Variants in FNDC3B observed in about 807,000 individuals in gnomAD.
The protein encoded by FNDC3B is fibronectin type III domain-containing protein 3B.
In FNDC3B, 12 loss-of-function variants were observed where a neutral mutation model predicts 151.5. That is an observed-to-expected ratio of 0.08 (90% CI 0.05 to 0.13). FNDC3B has a LOEUF of 0.13. Ranked by LOEUF, FNDC3B falls within the 10% of genes least tolerant of loss-of-function variation. The probability of loss-of-function intolerance (pLI) is 1.00; values close to 1 mark genes in which losing one functional copy is unlikely to be tolerated. For synonymous variants in FNDC3B, 528 were observed against 549.0 expected, an observed-to-expected ratio of 0.96 and a Z score of 0.54; for missense variants, 1,214 against 1,505.3, an observed-to-expected ratio of 0.81 and a Z score of 3.20.
intron 9 of FNDC3B, among the ~76,000 whole-genome samples, chr3:172,299,882 T>G (rs1449288646): frequency 2.0e-5 from 3 of 152,192 alleles, no homozygotes; most frequent in African/African-American, 7.2e-5. Context: ...GCCATGATTT[T>G]CTCAGTTAAA....
At chr3:172,163,003 T>G (rs930083083) in intron 3 of FNDC3B, among the ~76,000 whole-genome samples, 3 of 152,180 alleles carry the variant, frequency 2.0e-5, no homozygotes, top group African/African-American at 7.2e-5. Context: ...CTGGGCATGG[T>G]GGTTCATGCC....
intron 21 of FNDC3B, among the ~76,000 whole-genome samples, chr3:172,351,526 A>G (rs887268433): frequency 6.6e-5 from 10 of 152,194 alleles, no homozygotes; most frequent in African/African-American, 1.9e-4. Context: ...AAGAACTTCA[A>G]AGTTTTTTCT....
At chr3:172,303,076 G>C (rs1731012941) in intron 9 of FNDC3B, 1 of 151,742 alleles carries the variant, frequency 6.6e-6, no homozygotes, top group Non-Finnish European at 1.5e-5. Context: ...ACATTTATTT[G>C]TACAAATAAA....
chr3:172,246,933 G>T (rs1290815126), intron 4 of FNDC3B, among the ~76,000 whole-genome samples: 1 of 152,094 alleles, frequency 6.6e-6, no homozygotes, highest in Non-Finnish European at 1.5e-5. Context: ...TTTTTCTTTG[G>T]TCAGAATCCC....
intron 3 of FNDC3B, among the ~76,000 whole-genome samples, chr3:172,203,345 T>C (rs974382164): frequency 6.6e-6 from 1 of 152,248 alleles, no homozygotes; most frequent in East Asian, 1.9e-4. Context: ...AGTGGTCAGA[T>C]AGCAAATTCA....
intron 3 of FNDC3B, among the ~76,000 whole-genome samples, chr3:172,157,881 G>A (rs922315534): frequency 1.3e-5 from 2 of 152,160 alleles, no homozygotes; most frequent in African/African-American, 2.4e-5. Flanking sequence ...GAATGCATAG[G>A]TTAAAACTTA....
chr3:172,091,472 T>TA, intron 1 of FNDC3B, among the ~76,000 whole-genome samples: 1 of 152,316 alleles, frequency 6.6e-6, no homozygotes, highest in Admixed American at 6.5e-5. Context: ...GATTAGAAAT[T>TA]ACAGAAGTCA....
chr3:172,379,678 T>C (rs1335019357), intron 24 of FNDC3B, among the ~76,000 whole-genome samples: 1 of 152,246 alleles, frequency 6.6e-6, no homozygotes, highest in Non-Finnish European at 1.5e-5. Context: ...CTTTCAGTTA[T>C]AACACAAAAG....
intron 3 of FNDC3B, among the ~76,000 whole-genome samples, chr3:172,137,375 G>C (rs1331231947): frequency 6.6e-6 from 1 of 152,148 alleles, no homozygotes; most frequent in African/African-American, 2.4e-5. Flanking sequence ...GAAGAATATG[G>C]GCTGAGTAGG....
chr3:172,162,657 TG>T (rs1264666127), intron 3 of FNDC3B, among the ~76,000 whole-genome samples: 8 of 86,630 alleles, frequency 9.2e-5, no homozygotes, highest in African/African-American at 3.3e-4. Flanking sequence ...TGTTATTACC[TG>T]GTTTTTTTTT....
intron 7 of FNDC3B, among the ~76,000 whole-genome samples, chr3:172,290,266 C>A (rs1285727600): frequency 6.6e-6 from 1 of 152,166 alleles, no homozygotes. Context: ...TTGAGCAAGT[C>A]TTTTACTCTT....
chr3:172,390,445 A>T (rs953019844), intron 25 of FNDC3B, among the ~76,000 whole-genome samples: 1 of 152,122 alleles, frequency 6.6e-6, no homozygotes, highest in Non-Finnish European at 1.5e-5. Context: ...CTACAAAGTT[A>T]AAGTTGGGAA....
At chr3:172,090,270 C>T (rs1246629855) in intron 1 of FNDC3B, among the ~76,000 whole-genome samples, 1 of 152,110 alleles carries the variant, frequency 6.6e-6, no homozygotes. Context: ...ATATGTGATG[C>T]ACATCTCCTA....
At chr3:172,139,015 G>T (rs1298747082) in intron 3 of FNDC3B, among the ~76,000 whole-genome samples, 1 of 152,166 alleles carries the variant, frequency 6.6e-6, no homozygotes, top group African/African-American at 2.4e-5. Context: ...CTGCCCAGTG[G>T]CTCTGTGAAT....
Position 172,341,168 on chromosome 3 carries a change from C to T in FNDC3B, c.1908C>T (p.His636=). Residue 636 remains histidine (H), a synonymous_variant, in exon 17 of 26, where the codon CAC becomes CAT. Transcript: ENST00000415807. ...CGGCTACCGAATACACCTTCACCCA[C>T]TTGAAACCAGGCACTTTGTACAAAC... ...SGSATEYTFT[H]LKPGTLYKLR... 6.2e-7 allele frequency: 1 copy of T among 1,614,214 alleles called. No homozygotes were observed. The highest frequency in any genetic ancestry group is 8.5e-7 in the Non-Finnish European group (1 of 1,180,032).
chr3:172,153,507 C>G (rs1329133515), intron 3 of FNDC3B, among the ~76,000 whole-genome samples: 1 of 152,318 alleles, frequency 6.6e-6, no homozygotes, highest in African/African-American at 2.4e-5. Flanking sequence ...CTGAGCAGAA[C>G]AGAGCCACCT....
At chr3:172,168,121 TAATA>T (rs1723099630) in intron 3 of FNDC3B, among the ~76,000 whole-genome samples, 1 of 152,236 alleles carries the variant, frequency 6.6e-6, no homozygotes, top group Non-Finnish European at 1.5e-5. Context: ...TATGAGCATA[TAATA>T]AATCTTATGT....
chr3:172,384,573 T>G (rs1353616746), intron 25 of FNDC3B, among the ~76,000 whole-genome samples: 1 of 152,240 alleles, frequency 6.6e-6, no homozygotes, highest in Non-Finnish European at 1.5e-5. Flanking sequence ...ACACATTTGT[T>G]ATTGTATTGT....
At chr3:172,118,996 G>A (rs1215992601) in intron 2 of FNDC3B, among the ~76,000 whole-genome samples, 2 of 151,632 alleles carry the variant, frequency 1.3e-5, no homozygotes, top group Admixed American at 6.6e-5. Context: ...GTGAAACCCC[G>A]TCTCTACTAA....
Sources: gnomAD v4.1 joint callset for allele counts (sites outside exome capture counted in the v4.1 genomes callset) on GRCh38, gnomAD v4.1.1 for gene constraint, MANE v1.5 for transcripts, NCBI Gene and HGNC (gene_info 2026-07-23, HGNC 2026-07-21) for gene names.